Variants in NDNF observed in about 807,000 individuals in gnomAD.
NDNF encodes protein NDNF.
In NDNF, 16 loss-of-function variants were observed where a neutral mutation model predicts 42.0. The ratio of observed to expected loss-of-function variants is 0.38; its 90% CI spans 0.26 to 0.58. NDNF has a LOEUF of 0.58. NDNF is among the 20% of genes least tolerant of loss of function. The pLI, the probability that NDNF is intolerant of heterozygous loss-of-function variation, is 0.67. For synonymous variants in NDNF, 248 were observed against 251.7 expected (o/e 0.99, Z 0.14); for missense variants, 616 against 666.2 (o/e 0.92, Z 0.83).
intron 1 of NDNF, among the ~76,000 whole-genome samples, chr4:121,063,102 T>C (rs1727441451): frequency 6.6e-6 from 1 of 152,174 alleles, no homozygotes; most frequent in Non-Finnish European, 1.5e-5. Flanking sequence ...TAAAAATAAT[T>C]TTAAAAATCT....
chr4:121,051,546 C>T (rs916283809), intron 1 of NDNF, among the ~76,000 whole-genome samples: 5 of 152,028 alleles, frequency 3.3e-5, no homozygotes, highest in Non-Finnish European at 7.4e-5. Context: ...CAATTAAATA[C>T]CCAGAATTAC....
intron 2 of NDNF, among the ~76,000 whole-genome samples, chr4:121,041,503 C>G (rs1362502201): frequency 6.6e-6 from 1 of 152,212 alleles, no homozygotes; most frequent in African/African-American, 2.4e-5. Flanking sequence ...TTGAACGTCT[C>G]TTTTCTACCT....
chr4:121,068,603 T>C (rs1025293795), intron 1 of NDNF, among the ~76,000 whole-genome samples: 1 of 152,170 alleles, frequency 6.6e-6, no homozygotes, highest in Admixed American at 6.6e-5. Context: ...TGAGACATAT[T>C]TTCTTCCAAG....
At chr4:121,071,443 C>G (rs1727597619) in intron 1 of NDNF, 1 of 152,116 alleles carries the variant, frequency 6.6e-6, no homozygotes, top group South Asian at 2.1e-4. Context: ...AGAACTCGTG[C>G]GCTGCCTGGA....
chr4:121,053,548 G>C (rs1194820180), intron 1 of NDNF, among the ~76,000 whole-genome samples: 1 of 152,156 alleles, frequency 6.6e-6, no homozygotes, highest in East Asian at 1.9e-4. Context: ...CAGGAAGCCA[G>C]ACCCATTTTA....
intron 2 of NDNF, among the ~76,000 whole-genome samples, chr4:121,042,170 GC>G (rs1727010019): frequency 6.6e-6 from 1 of 152,052 alleles, no homozygotes; most frequent in South Asian, 2.1e-4. Flanking sequence ...CATTTATCAC[GC>G]CTTTGTATTC....
chr4:121,055,187 T>G (rs1273642363), intron 1 of NDNF, among the ~76,000 whole-genome samples: 3 of 152,080 alleles, frequency 2.0e-5, no homozygotes, highest in Non-Finnish European at 1.5e-5. Flanking sequence ...CCCTGTCTAT[T>G]GTGCAGAAAA....
intron 1 of NDNF, among the ~76,000 whole-genome samples, chr4:121,060,777 G>A (rs938120718): frequency 2.0e-5 from 3 of 152,162 alleles, no homozygotes; most frequent in Non-Finnish European, 4.4e-5. Context: ...CTGATGGTCT[G>A]GAAGCTTCAA....
intron 1 of NDNF, among the ~76,000 whole-genome samples, chr4:121,064,740 G>A (rs900592448): frequency 3.3e-4 from 50 of 152,102 alleles, no homozygotes; most frequent in Admixed American, 2.9e-3. Context: ...ATGCGTGTGC[G>A]TGGGTTTGTG....
intron 1 of NDNF, among the ~76,000 whole-genome samples, chr4:121,055,323 G>T (rs994363311): frequency 4.6e-5 from 7 of 152,170 alleles, no homozygotes; most frequent in African/African-American, 1.7e-4. Context: ...CTTTGTAGAG[G>T]AGATGAGGAA....
intron 1 of NDNF, among the ~76,000 whole-genome samples, chr4:121,065,605 T>TA (rs1417749230): frequency 1.3e-5 from 2 of 151,832 alleles, no homozygotes; most frequent in African/African-American, 4.8e-5. Flanking sequence ...CAGAGGTCTC[T>TA]AAAAGGGGGT....
rs888536024 is a variant in NDNF, at chr4:121,037,348, G to T, written c.623C>A (p.Pro208His). Residue 208 changes from proline to histidine, a missense_variant, in exon 4 of 4, where the codon CCC (proline) becomes CAC (histidine). By Grantham distance (77) the Pro-to-His change is moderately conservative. Coordinates refer to ENST00000379692, the MANE Select transcript of NDNF (RefSeq NM_024574.4). ...PSPTASLLKQ[P>H]IQYCVVINKE... ...GTTGATGACCACACAGTACTGAATG[G>T]GTTGTTTCAGCAAAGAGGCAGTGGG... 1.2e-6 allele frequency: 2 copies of T among 1,613,960 alleles called. No homozygotes were observed. The highest frequency in any genetic ancestry group is 2.7e-5 in the African/African-American group (2 of 74,884).
intron 1 of NDNF, among the ~76,000 whole-genome samples, chr4:121,068,896 A>G (rs1727544055): frequency 6.6e-6 from 1 of 152,218 alleles, no homozygotes; most frequent in African/African-American, 2.4e-5. Flanking sequence ...CTCATCCATC[A>G]TACCAAAATG....
At chr4:121,039,895 CA>C in intron 3 of NDNF, 34 bp downstream of exon 3, 1 of 1,593,422 alleles carries the variant, frequency 6.3e-7, no homozygotes, top group Non-Finnish European at 8.5e-7. Flanking sequence ...ACCATCCATT[CA>C]AAGGTCCAGG....
chr4:121,054,133 C>T (rs1026261761), intron 1 of NDNF, among the ~76,000 whole-genome samples: 1 of 152,060 alleles, frequency 6.6e-6, no homozygotes, highest in Non-Finnish European at 1.5e-5. Flanking sequence ...TCTTAGGATA[C>T]CAAAACCTAA....
In NDNF at chr4:121,045,675, A is replaced by G. The variant is rs1363099545; in HGVS notation, c.163T>C (p.Tyr55His). The change falls in exon 2 of 4, where the codon TAT becomes CAT. Residue 55 changes from tyrosine to histidine, a missense_variant. By Grantham distance (83) the Tyr-to-His change is moderately conservative. Coordinates refer to ENST00000379692, the MANE Select transcript of NDNF (RefSeq NM_024574.4). ...VIPDGAEISS[Y>H]LFRDTPKRYF... ...CTCTTAGGTGTATCTCTAAAGAGATAACTGCTAATTTCAGCTCCATCTGGA... is the reference window on the plus strand; with the variant it reads ...CTCTTAGGTGTATCTCTAAAGAGATGACTGCTAATTTCAGCTCCATCTGGA... 1 of 1,614,170 alleles carries G rather than the reference A, an allele frequency of 6.2e-7. No homozygotes were observed. The highest frequency in any genetic ancestry group is 1.7e-5 in the Admixed American group (1 of 60,030).
chr4:121,035,614 G>A lies in NDNF; in HGVS notation c.*650C>T, dbSNP rs1220553918. 1.3e-5 allele frequency: 2 copies of A among 152,102 alleles called. No individual in the cohort carries two copies. 9.4% of individuals were successfully genotyped at this position (152,102 alleles called of 1,614,324 possible). ...AGAAATTGAATACACCAAGGTAGCT[G>A]CTTGGGAAAATGAACAGTATATAAT... On this transcript the variant is annotated 3_prime_UTR_variant, in exon 4 of 4. Transcript: ENST00000379692.
chr4:121,054,908 C>A (rs1727258437), intron 1 of NDNF, among the ~76,000 whole-genome samples: 1 of 152,194 alleles, frequency 6.6e-6, no homozygotes, highest in South Asian at 2.1e-4. Flanking sequence ...TGGCTCACTG[C>A]AACCTCTACC....
In NDNF at chr4:121,070,526, C is replaced by A. The variant is rs921451596; in HGVS notation, c.-2+1467G>T. On this transcript the variant is annotated intron_variant, in intron 1 of 3. Transcript: ENST00000379692. ...AGGAGAGGAGGAGGTGCGGAGATTCCCTCCGTCAGAAAAGAAAAAGGGTTC... is the reference window on the plus strand; with the variant it reads ...AGGAGAGGAGGAGGTGCGGAGATTCACTCCGTCAGAAAAGAAAAAGGGTTC... 4.6e-5 allele frequency among the ~76,000 whole-genome samples: 7 copies of A among 151,936 alleles called. No homozygotes were observed. In the East Asian group the frequency reaches 1.2e-3, roughly 25 times the overall value.
Sources: gnomAD v4.1 joint callset for allele counts (sites outside exome capture counted in the v4.1 genomes callset) on GRCh38, gnomAD v4.1.1 for gene constraint, MANE v1.5 for transcripts, NCBI Gene and HGNC (gene_info 2026-07-23, HGNC 2026-07-21) for gene names.